The following NOTCH1 variants were observed in gnomAD, a reference collection of about 807,000 sequenced individuals.
NOTCH1 encodes notch receptor 1, also known as neurogenic locus notch homolog protein 1.
A neutral mutation model predicts 254.8 loss-of-function variants in NOTCH1; 37 were observed. That is an observed-to-expected ratio of 0.15 (90% CI 0.11 to 0.19). The LOEUF (loss-of-function observed/expected upper bound fraction) is 0.19, where lower values mean the gene tolerates loss of function less well. Ranked by LOEUF, NOTCH1 falls within the 10% of genes least tolerant of loss-of-function variation. NOTCH1 has a pLI of 1.00. For synonymous variants in NOTCH1, 1,731 were observed against 1,618.1 expected, an observed-to-expected ratio of 1.07 and a Z score of -1.68; for missense variants, 2,972 against 3,708.6, an observed-to-expected ratio of 0.80 and a Z score of 5.16.
Position 136,495,313 on chromosome 9 carries a change from C to T in NOTCH1, c.*758G>A. ...TGGAGGGACCAAGAACTTGTATAAC[C>T]AACGAACAACTACATAATACTGAAC... On this transcript the variant is annotated 3_prime_UTR_variant, in exon 34 of 34. Coordinates refer to ENST00000651671, the MANE Select transcript of NOTCH1 (RefSeq NM_017617.5). The T allele has an allele frequency of 5.0e-6, 2 of 398,924 alleles. No individual in the cohort carries two copies. The highest frequency in any genetic ancestry group is 8.8e-6 in the Non-Finnish European group (2 of 226,086). 24.7% of individuals were successfully genotyped at this position (398,924 alleles called of 1,614,324 possible).
At chr9:136,542,347 C>G (rs1038137082) in intron 2 of NOTCH1, among the ~76,000 whole-genome samples, 2 of 152,064 alleles carry the variant, frequency 1.3e-5, no homozygotes, top group Admixed American at 6.5e-5. Context: ...GAGCCGGGAG[C>G]GCAGTGGCGG....
At chr9:136,522,708 C>A in intron 4 of NOTCH1, 142 bp downstream of exon 4, 1 of 795,166 alleles carries the variant, frequency 1.3e-6, no homozygotes, top group East Asian at 2.8e-5. Context: ...CACACGCAGT[C>A]TGGGGAACTC....
intron 26 of NOTCH1, among the ~76,000 whole-genome samples, chr9:136,504,180 TTTTG>T (rs1014066655): frequency 4.2e-4 from 64 of 152,322 alleles, no homozygotes; most frequent in African/African-American, 1.5e-3. Context: ...GAGCTGAGTG[TTTTG>T]TTTTTTACTT....
At chr9:136,500,968 G>A (rs2133327208) in intron 30 of NOTCH1, 121 bp from the exon 31 acceptor site, 1 of 1,162,298 alleles carries the variant, frequency 8.6e-7, no homozygotes, top group Middle Eastern at 2.9e-4. Flanking sequence ...CCAGCACTTG[G>A]TGGCCCCGTG....
At chr9:136,518,456 A>T in intron 6 of NOTCH1, 135 bp downstream of exon 6, 1 of 1,115,070 alleles carries the variant, frequency 9.0e-7, no homozygotes, top group Non-Finnish European at 1.3e-6. Flanking sequence ...CACAGCGACC[A>T]CCGGCCTCCC....
rs2133336665 is a variant in NOTCH1 at position 136,504,883 on chromosome 9, T to A, written c.4808A>T (p.Asn1603Ile). The change falls in exon 26 of 34, where the codon AAC becomes ATC. Residue 1603 changes from asparagine to isoleucine, a missense_variant. Around this residue, in one of 8 missense-constraint regions of NOTCH1, gnomAD observed 1,343 missense variants for 1,557.0 expected, o/e 0.86. Coordinates refer to ENST00000651671, the MANE Select transcript of NOTCH1 (RefSeq NM_017617.5). ...LRELSRVLHT[N>I]VVFKRDAHGQ... Reference sequence around the variant, plus strand: ...GTGTGCGTCACGCTTGAAGACCACGTTGGTGTGCAGCACGCGGCTGAGCTC... The same window carrying A: ...GTGTGCGTCACGCTTGAAGACCACGATGGTGTGCAGCACGCGGCTGAGCTC... The A allele has an allele frequency of 6.3e-7, 1 of 1,585,730 alleles. No individual in the cohort carries two copies. Among genetic ancestry groups the A allele is most frequent in the Non-Finnish European group, 8.6e-7 (1 of 1,166,522 alleles).
At chr9:136,543,648 C>G (rs567238363) in intron 2 of NOTCH1, 30 of 402,370 alleles carry the variant, frequency 7.5e-5, no homozygotes, top group Non-Finnish European at 1.3e-4. Context: ...CCAGAGGAGG[C>G]GCCCCAAGTT....
Position 136,505,053 on chromosome 9 carries a change from G to A in NOTCH1, c.4638C>T (p.Asp1546=), listed in dbSNP as rs1468199551. Residue 1546 remains aspartate (D), a synonymous_variant, in exon 26 of 34, where the codon GAC becomes GAT. Coordinates refer to ENST00000651671, the MANE Select transcript of NOTCH1 (RefSeq NM_017617.5). ...CKDHFSDGHC[D]QGCNSAECEW... is the part of the protein sequence containing the mutation. Reference sequence around the variant, plus strand: ...CGCACTCCGCGCTGTTGCAGCCCTGGTCGCAGTGCCCGTCGCTGAAGTGGT... The same window carrying A: ...CGCACTCCGCGCTGTTGCAGCCCTGATCGCAGTGCCCGTCGCTGAAGTGGT... The A allele has an allele frequency of 1.2e-6, 2 of 1,610,990 alleles. No homozygotes were observed. Among genetic ancestry groups the A allele is most frequent in the African/African-American group, 1.3e-5 (1 of 74,910 alleles).
At chr9:136,524,073 T>TC in intron 2 of NOTCH1, 94 bp from the exon 3 acceptor site, 3 of 1,478,278 alleles carry the variant, frequency 2.0e-6, no homozygotes, top group Non-Finnish European at 2.7e-6. Context: ...CACAGCCGCC[T>TC]CCCCCCACAC....
chr9:136,505,921 A>AC (rs1326943808), intron 24 of NOTCH1, 40 bp from the exon 25 acceptor site: 10 of 1,489,494 alleles, frequency 6.7e-6, no homozygotes, highest in Admixed American at 2.1e-5. Flanking sequence ...GGGGTGGGCC[A>AC]CCCCCCGCCC....
chr9:136,524,720 C>T (rs1288201610), intron 2 of NOTCH1, among the ~76,000 whole-genome samples: 1 of 150,412 alleles, frequency 6.6e-6, no homozygotes, highest in African/African-American at 2.5e-5. Flanking sequence ...TCACTGCAAC[C>T]TCTGCCTCCC....
At position 136,508,325 on chromosome 9, in the gene NOTCH1, G is replaced by A. The variant is rs1233569898; in HGVS notation, c.3232C>T (p.His1078Tyr). ...GGGCACTCGCAGCGGTACTGGGTGT[G>A]GGTCTGCCAGCATTTGCCGCCGTTC... ...CKNGGKCWQT[H>Y]TQYRCECPSG... Residue 1078 changes from histidine (H) to tyrosine (Y), a missense_variant, in exon 20 of 34, where the codon CAC becomes TAC. Physicochemically the swap from His to Tyr is moderately conservative, Grantham distance 83 (BLOSUM62 2). Coordinates refer to ENST00000651671, the MANE Select transcript of NOTCH1 (RefSeq NM_017617.5). 3.7e-6 allele frequency: 6 copies of A among 1,613,056 alleles called. No homozygotes were observed. The highest frequency in any genetic ancestry group is 4.2e-6 in the Non-Finnish European group (5 of 1,180,016).
chr9:136,513,467 T>G lies in NOTCH1; in HGVS notation c.2278A>C (p.Asn760His). 6.2e-7 allele frequency: 1 copy of G among 1,613,254 alleles called. No individual in the cohort carries two copies. Among genetic ancestry groups the G allele is most frequent in the Non-Finnish European group, 8.5e-7 (1 of 1,180,016 alleles). The change falls in exon 14 of 34, where the codon AAC becomes CAC. Residue 760 changes from asparagine (N) to histidine (H), a missense_variant. Asn to His is a moderately conservative substitution (Grantham distance 68). This residue lies in a region of NOTCH1 where 1,343 missense variants were observed against 1,557.0 expected (regional missense o/e 0.86). Transcript: ENST00000651671. The surrounding 1 kb of genome is among the most constrained non-coding windows in gnomAD (Gnocchi z 4.7). Reference protein sequence around the residue: ...CDINNNECESNPCVNGGTCKD... With the variant: ...CDINNNECESHPCVNGGTCKD... ...CAGGTGCCGCCGTTGACACAAGGGT[T>G]GGATTCACACTCATTGTTGTTGATG...
chr9:136,500,469 GGGCCACGTAAGCCT>G (rs1342115611), intron 31 of NOTCH1, 69 bp downstream of exon 31: 27 of 1,544,064 alleles, frequency 1.7e-5, no homozygotes, highest in Non-Finnish European at 2.1e-5. Flanking sequence ...CAGGCTCCCA[GGGCCACGTAAGCCT>G]GGCCACTGCC....
intron 2 of NOTCH1, among the ~76,000 whole-genome samples, chr9:136,527,587 A>T (rs907698113): frequency 4.1e-4 from 62 of 152,242 alleles, no homozygotes; most frequent in African/African-American, 1.4e-3. Flanking sequence ...TGAGATAGGG[A>T]ACGCCAGTCT....
At position 136,509,812 on chromosome 9, in the gene NOTCH1, C is replaced by T. The variant is rs780251851; in HGVS notation, c.2890G>A (p.Val964Met). 8 of 1,613,042 alleles carry T rather than the reference C, an allele frequency of 5.0e-6. No individual in the cohort carries two copies. Among genetic ancestry groups the T allele is most frequent in the African/African-American group, 1.3e-5 (1 of 74,960 alleles). ...GGGCAGGTGCACGTGTAGCTGTCCA[C>T]GCAGTCCGTGCAGTTGGCCCCGTTG... ...CRNGANCTDC[V>M]DSYTCTCPAG... The change falls in exon 18 of 34, where the codon GTG (valine) becomes ATG (methionine). Residue 964 changes from valine (V) to methionine (M), a missense_variant. By Grantham distance (21) the Val-to-Met change is conservative. Coordinates refer to ENST00000651671, the MANE Select transcript of NOTCH1 (RefSeq NM_017617.5).
In NOTCH1 at chr9:136,519,000, C is replaced by T. The variant is rs564753637; in HGVS notation, c.866-176G>A. Among the ~76,000 whole-genome samples the T allele has an allele frequency of 5.3e-5, 8 of 152,348 alleles. No homozygotes were observed. In the East Asian group the frequency reaches 1.4e-3, roughly 26 times the overall value. ...GCAGGCCCAGCACCATGGAGTCTTG[C>T]CTCCTCTTTGTGCTCTGTGGACACT... On this transcript the variant is annotated intron_variant, in intron 5 of 33. Coordinates refer to ENST00000651671, the MANE Select transcript of NOTCH1 (RefSeq NM_017617.5).
rs1466122700 is a variant in NOTCH1 at position 136,510,713 on chromosome 9, G to C, written c.2680C>G (p.His894Asp). The change falls in exon 17 of 34, where the codon CAC becomes GAC. Residue 894 changes from histidine to aspartate, a missense_variant. His to Asp is a moderately conservative substitution (Grantham distance 81). This residue lies in a region of NOTCH1 where 1,343 missense variants were observed against 1,557.0 expected (regional missense o/e 0.86). Transcript: ENST00000651671. ...CGCCCACTGTAGCCGGCCTGGCAGTGGCAGCGGTAGCCGCCGTGGGTGTTC... is the reference window on the plus strand; with the variant it reads ...CGCCCACTGTAGCCGGCCTGGCAGTCGCAGCGGTAGCCGCCGTGGGTGTTC... ...CQNTHGGYRC[H>D]CQAGYSGRNC... 6.2e-7 allele frequency: 1 copy of C among 1,609,352 alleles called. No homozygotes were observed.
chr9:136,535,334 G>A (rs1000141262), intron 2 of NOTCH1, among the ~76,000 whole-genome samples: 7 of 151,992 alleles, frequency 4.6e-5, no homozygotes, highest in Non-Finnish European at 1.0e-4. Flanking sequence ...CTGTTTAACC[G>A]TGCGGGCTCA....
Sources: allele counts gnomAD v4.1 joint callset (sites outside exome capture counted in the v4.1 genomes callset), GRCh38; gene constraint gnomAD v4.1.1; regional missense constraint gnomAD v4.1.1; non-coding constraint Gnocchi (gnomAD v3.1); transcripts MANE v1.5; gene names NCBI Gene and HGNC (gene_info 2026-07-23, HGNC 2026-07-21).